PALM2AKAP2: variants seen among roughly 807,000 people sequenced by gnomAD.
PALM2AKAP2 encodes the protein PALM2 and AKAP2 fusion, also known as PALM2-AKAP2 fusion protein.
Under a neutral mutation model 71.5 loss-of-function variants are expected in PALM2AKAP2, and 37 were observed. The ratio of observed to expected loss-of-function variants is 0.52; its 90% CI spans 0.40 to 0.68. The LOEUF (loss-of-function observed/expected upper bound fraction) is 0.68, where lower values mean the gene tolerates loss of function less well. Ranked by LOEUF, PALM2AKAP2 falls within the 30% of genes least tolerant of loss-of-function variation. The pLI is 0.00. For missense variants in PALM2AKAP2, 1,224 were observed against 1,191.8 expected (o/e 1.03, Z -0.40); for synonymous variants, 468 against 478.8 (o/e 0.98, Z 0.29).
At chr9:110,039,474 G>A (rs747264169) in intron 7 of PALM2AKAP2, among the ~76,000 whole-genome samples, 113 of 152,098 alleles carry the variant, frequency 7.4e-4, no homozygotes, top group Non-Finnish European at 1.3e-3. Flanking sequence ...GAGGCTGAGC[G>A]ATTTTCCTAA....
chr9:110,125,776 CTCTT>C (rs1327941148), intron 1 of PALM2AKAP2, among the ~76,000 whole-genome samples: 12 of 136,994 alleles, frequency 8.8e-5, no homozygotes, highest in African/African-American at 1.6e-4. Flanking sequence ...GCTTCTCTCT[CTCTT>C]TTTTTTTTTT....
Position 109,858,643 on chromosome 9 carries a change from C to T in PALM2AKAP2, c.46-8848C>T, listed in dbSNP as rs949805508. ...GGGATGAGATGGAGATCACATTCTTCGGGAGAGTTTGATTCTGTTATTCCT... is the reference window on the plus strand; with the variant it reads ...GGGATGAGATGGAGATCACATTCTTTGGGAGAGTTTGATTCTGTTATTCCT... On this transcript the variant is annotated intron_variant, in intron 1 of 9. Coordinates refer to the PALM2AKAP2 transcript ENST00000302798. Among the ~76,000 whole-genome samples the T allele has an allele frequency of 7.2e-5, 11 of 152,238 alleles. 1 individual carries two copies. Among genetic ancestry groups the T allele is most frequent in the Middle Eastern group, 6.8e-3 (2 of 294 alleles).
At chr9:110,104,195 G>GGGA (rs1835063975) in intron 1 of PALM2AKAP2, among the ~76,000 whole-genome samples, 1 of 104,722 alleles carries the variant, frequency 9.5e-6, no homozygotes, top group Non-Finnish European at 1.9e-5. Flanking sequence ...GGGGCGGGGG[G>GGGA]GTAAGGTATC....
At chr9:110,157,587 A>G (rs1836491021) in intron 3 of PALM2AKAP2, among the ~76,000 whole-genome samples, 1 of 152,142 alleles carries the variant, frequency 6.6e-6, no homozygotes, top group African/African-American at 2.4e-5. Flanking sequence ...TTTTGTAGAA[A>G]GGAGGTCTCA....
intron 1 of PALM2AKAP2, among the ~76,000 whole-genome samples, chr9:109,849,342 T>C (rs1167681341): frequency 1.3e-5 from 2 of 152,214 alleles, no homozygotes; most frequent in Non-Finnish European, 2.9e-5. Flanking sequence ...GGCACCCAGC[T>C]GGTGATTTGA....
intron 3 of PALM2AKAP2, among the ~76,000 whole-genome samples, chr9:109,885,308 G>A (rs937194973): frequency 2.6e-5 from 4 of 152,146 alleles, no homozygotes; most frequent in African/African-American, 9.7e-5. Context: ...AAGGAATGGA[G>A]GAAGGAAGGA....
intron 6 of PALM2AKAP2, among the ~76,000 whole-genome samples, chr9:109,971,536 C>G (rs1018029882): frequency 6.6e-6 from 1 of 152,018 alleles, no homozygotes; most frequent in Non-Finnish European, 1.5e-5. Context: ...AGCGATTCTC[C>G]TGTCTCAGCC....
At chr9:110,078,952 A>G (rs961659334) in intron 1 of PALM2AKAP2, among the ~76,000 whole-genome samples, 1 of 152,204 alleles carries the variant, frequency 6.6e-6, no homozygotes, top group East Asian at 1.9e-4. Flanking sequence ...TGCTTATGAC[A>G]ACTAATTTTA....
intron 1 of PALM2AKAP2, among the ~76,000 whole-genome samples, chr9:109,805,531 C>CAAA (rs1228399178): frequency 1.3e-5 from 2 of 152,164 alleles, no homozygotes; most frequent in Non-Finnish European, 2.9e-5. Context: ...ACTGGAAACA[C>CAAA]AAATGTACAA....
intron 6 of PALM2AKAP2, among the ~76,000 whole-genome samples, chr9:109,986,282 G>A: frequency 6.6e-6 from 1 of 152,156 alleles, no homozygotes; most frequent in East Asian, 1.9e-4. Context: ...AGTTCACAAT[G>A]AACCTTCCAA....
intron 1 of PALM2AKAP2, among the ~76,000 whole-genome samples, chr9:110,100,384 A>G (rs1834968040): frequency 6.6e-6 from 1 of 152,086 alleles, no homozygotes. Context: ...TTTCTTGGTC[A>G]CATAGGGGAA....
chr9:110,015,445 C>CA (rs1482190689), intron 6 of PALM2AKAP2, among the ~76,000 whole-genome samples: 1 of 151,996 alleles, frequency 6.6e-6, no homozygotes, highest in Non-Finnish European at 1.5e-5. Context: ...ACTAAAAATA[C>CA]AAAAATTAGT....
At chr9:110,081,647 A>G (rs1461623936) in intron 1 of PALM2AKAP2, among the ~76,000 whole-genome samples, 1 of 152,126 alleles carries the variant, frequency 6.6e-6, no homozygotes, top group Non-Finnish European at 1.5e-5. Context: ...CCCGCTTCCC[A>G]AAGGCTCTTC....
chr9:110,014,804 ATGTATATAT>A (rs1456259373), intron 6 of PALM2AKAP2, among the ~76,000 whole-genome samples: 46 of 4,284 alleles, frequency 0.011, 4 homozygotes, highest in East Asian at 0.092. Flanking sequence ...AAAAAAAAAA[ATGTATATAT>A]ATATATATAT....
intron 6 of PALM2AKAP2, among the ~76,000 whole-genome samples, chr9:109,976,472 C>T (rs750588322): frequency 1.2e-4 from 18 of 152,276 alleles, no homozygotes; most frequent in East Asian, 3.9e-4. Flanking sequence ...AAGGATTACT[C>T]AGCTCTGAGA....
In PALM2AKAP2 at chr9:109,762,837, A is replaced by G. The variant is rs1458862610; in HGVS notation, c.6-17651A>G. Among the ~76,000 whole-genome samples, 3 of 152,190 alleles carry G rather than the reference A, an allele frequency of 2.0e-5. No individual in the cohort carries two copies. The East Asian group carries it at 5.8e-4, about 29-fold the overall frequency. ...GCTTTCCTACCCTCCTTTTATCTCA[A>G]TGCCCCTCCTTCCCATTCCCCAGGG... is the stretch of plus-strand genomic sequence containing the variant. On this transcript the variant is annotated intron_variant, in intron 1 of 6. Coordinates refer to the PALM2AKAP2 transcript ENST00000374531.
intron 6 of PALM2AKAP2, among the ~76,000 whole-genome samples, chr9:110,000,960 G>A (rs1832671418): frequency 6.6e-6 from 1 of 152,150 alleles, no homozygotes; most frequent in African/African-American, 2.4e-5. Context: ...CCATTCTATA[G>A]GCTGCCTGTT....
chr9:110,151,459 G>A (rs566509980), intron 2 of PALM2AKAP2, among the ~76,000 whole-genome samples: 2 of 152,294 alleles, frequency 1.3e-5, no homozygotes, highest in South Asian at 4.1e-4. Flanking sequence ...AATCATATTA[G>A]CACTAAAACC....
chr9:109,762,157 A>ATT (rs58791123), intron 1 of PALM2AKAP2, among the ~76,000 whole-genome samples: 13,595 of 148,550 alleles, frequency 0.092, 739 homozygotes, highest in Admixed American at 0.16. Context: ...GAAGGACAGA[A>ATT]TTTTTTTTTT....
Sources: allele counts gnomAD v4.1 joint callset (sites outside exome capture counted in the v4.1 genomes callset), GRCh38; gene constraint gnomAD v4.1.1; transcripts MANE v1.5; gene names NCBI Gene and HGNC (gene_info 2026-07-23, HGNC 2026-07-21).